The following NAA11 variants were observed in gnomAD, a reference collection of about 807,000 sequenced individuals.
NAA11 encodes N-alpha-acetyltransferase 11, NatA catalytic subunit.
NAA11 carries 15 observed loss-of-function variants against 16.1 expected under a neutral mutation model. The observed-to-expected ratio is 0.93, with a 90% CI of 0.62 to 1.44. The LOEUF (loss-of-function observed/expected upper bound fraction) is 1.44. Ranked by LOEUF, NAA11 falls within the 40% of genes most tolerant of loss-of-function variation. The pLI is 0.00. For synonymous variants in NAA11, 122 were observed against 112.4 expected, an observed-to-expected ratio of 1.09 and a Z score of -0.54; for missense variants, 298 against 291.3, an observed-to-expected ratio of 1.02 and a Z score of -0.17.
the NAA11 span, among the ~76,000 whole-genome samples, chr4:79,208,523 A>T: frequency 6.6e-6 from 1 of 152,164 alleles, no homozygotes; most frequent in Non-Finnish European, 1.5e-5. Flanking sequence ...TTTAGCCCAC[A>T]TATGAAAGAA....
chr4:79,289,989 A>G lies in NAA11; in HGVS notation c.*122+4016T>C, dbSNP rs200855239. On this transcript the variant is annotated intron_variant and NMD_transcript_variant, in intron 2 of 2. Coordinates refer to the NAA11 transcript ENST00000511542. ...CTCTTTGGGGTAGAAAGCGACCACCAGGCCCTCTCTTTTGCTCTCCTTTTC... is the reference window on the plus strand; with the variant it reads ...CTCTTTGGGGTAGAAAGCGACCACCGGGCCCTCTCTTTTGCTCTCCTTTTC... 3.3e-5 allele frequency among the ~76,000 whole-genome samples: 5 copies of G among 152,156 alleles called. No individual in the cohort carries two copies. The East Asian group carries it at 9.6e-4, about 29-fold the overall frequency.
chr4:79,188,470 A>G, the NAA11 span, among the ~76,000 whole-genome samples: 1 of 152,054 alleles, frequency 6.6e-6, no homozygotes, highest in Non-Finnish European at 1.5e-5. Flanking sequence ...CTGTGGTCCC[A>G]GCTACTCCAG....
chr4:79,300,333 C>G (rs1723350415), intron 1 of NAA11, among the ~76,000 whole-genome samples: 1 of 152,162 alleles, frequency 6.6e-6, no homozygotes, highest in Non-Finnish European at 1.5e-5. Context: ...TTGCCTATTT[C>G]AAGTTAAAGT....
At chr4:79,172,428 G>A in the NAA11 span, among the ~76,000 whole-genome samples, 1 of 152,080 alleles carries the variant, frequency 6.6e-6, no homozygotes, top group African/African-American at 2.4e-5. Context: ...TGAGAACACA[G>A]TTGGCACTTT....
At chr4:79,315,690 A>G (rs1022462648), downstream of NAA11, among the ~76,000 whole-genome samples, 1 of 152,156 alleles carries the variant, frequency 6.6e-6, no homozygotes, top group Non-Finnish European at 1.5e-5. Flanking sequence ...ATTAAAAAAA[A>G]AAAAATCACT....
intron 1 of NAA11, among the ~76,000 whole-genome samples, chr4:79,319,462 A>C (rs1372205286): frequency 2.0e-5 from 3 of 152,204 alleles, no homozygotes; most frequent in Admixed American, 6.5e-5. Flanking sequence ...GGCTCTTTGA[A>C]TCATTGCCCA....
At chr4:79,180,251 A>C in the NAA11 span, among the ~76,000 whole-genome samples, 16 of 152,206 alleles carry the variant, frequency 1.1e-4, no homozygotes, top group African/African-American at 3.9e-4. Flanking sequence ...CTATCCTTTA[A>C]AAAATGAGGT....
chr4:79,271,908 C>T (rs554849379), intron 2 of NAA11, among the ~76,000 whole-genome samples: 18 of 151,828 alleles, frequency 1.2e-4, no homozygotes, highest in Non-Finnish European at 2.4e-4. Context: ...TTCTCATGAT[C>T]ATTAAGCGTA....
intron 2 of NAA11, among the ~76,000 whole-genome samples, chr4:79,267,250 G>A (rs972191602): frequency 6.6e-6 from 1 of 152,112 alleles, no homozygotes; most frequent in African/African-American, 2.4e-5. Context: ...TTTCTGCCAC[G>A]GAGAATAGAA....
chr4:79,189,144 T>TTAAAAAAAAAAAAAAAAA, the NAA11 span, among the ~76,000 whole-genome samples: 1 of 2,748 alleles, frequency 3.6e-4, no homozygotes, highest in African/African-American at 6.3e-4. Flanking sequence ...AGACTCCATC[T>TTAAAAAAAAAAAAAAAAA]CAAAAAAAAA....
At chr4:79,159,215 T>C in the NAA11 span, among the ~76,000 whole-genome samples, 2 of 152,122 alleles carry the variant, frequency 1.3e-5, no homozygotes, top group Admixed American at 1.3e-4. Flanking sequence ...ATGCAGAATC[T>C]ACAAGGAACT....
the NAA11 span, among the ~76,000 whole-genome samples, chr4:79,193,620 T>C: frequency 6.6e-6 from 1 of 152,208 alleles, no homozygotes; most frequent in Admixed American, 6.5e-5. Context: ...GCTGTTTTGG[T>C]TACTGTAGCC....
downstream of NAA11, among the ~76,000 whole-genome samples, chr4:79,312,458 C>T (rs756150220): frequency 1.1e-4 from 17 of 152,020 alleles, no homozygotes; most frequent in Non-Finnish European, 2.2e-4. Flanking sequence ...TGAGACCAGC[C>T]TGGCCAACAT....
At chr4:79,272,454 T>C (rs1039975752) in intron 2 of NAA11, among the ~76,000 whole-genome samples, 2 of 152,046 alleles carry the variant, frequency 1.3e-5, no homozygotes, top group African/African-American at 2.4e-5. Context: ...GCCTAAAATA[T>C]GTAATAGCTT....
chr4:79,314,072 A>G (rs915574324), downstream of NAA11, among the ~76,000 whole-genome samples: 1 of 152,202 alleles, frequency 6.6e-6, no homozygotes, highest in African/African-American at 2.4e-5. Flanking sequence ...GAAAGTAATG[A>G]CCAAAAAAGC....
the NAA11 span, among the ~76,000 whole-genome samples, chr4:79,188,590 AAAAG>A: frequency 6.8e-6 from 1 of 147,040 alleles, no homozygotes; most frequent in Non-Finnish European, 1.5e-5. Flanking sequence ...GCCTCAAAAA[AAAAG>A]AAAAAAAAAA....
At chr4:79,268,425 G>C (rs1190027019) in intron 2 of NAA11, among the ~76,000 whole-genome samples, 1 of 152,138 alleles carries the variant, frequency 6.6e-6, no homozygotes, top group Admixed American at 6.5e-5. Flanking sequence ...GGAGGCTAAT[G>C]GCTAGACATT....
At chr4:79,233,853 T>A (rs1215499177) in intron 2 of NAA11, among the ~76,000 whole-genome samples, 1 of 152,078 alleles carries the variant, frequency 6.6e-6, no homozygotes, top group Admixed American at 6.6e-5. Context: ...TAACTTTTGC[T>A]ATTATGGTTA....
chr4:79,196,468 G>T, the NAA11 span, among the ~76,000 whole-genome samples: 1 of 151,928 alleles, frequency 6.6e-6, no homozygotes, highest in South Asian at 2.1e-4. Flanking sequence ...GTTGGAAAGG[G>T]CCCTAGAGAT....
Sources: allele counts gnomAD v4.1 joint callset (sites outside exome capture counted in the v4.1 genomes callset), GRCh38; gene constraint gnomAD v4.1.1; transcripts MANE v1.5; gene names NCBI Gene and HGNC (gene_info 2026-07-23, HGNC 2026-07-21).